The following ZNF804B variants were observed in gnomAD, a reference collection of about 807,000 sequenced individuals.
ZNF804B encodes zinc finger 804B.
Under a neutral mutation model 101.4 loss-of-function variants are expected in ZNF804B, and 80 were observed. The observed-to-expected ratio is 0.79, with a 90% CI of 0.66 to 0.95. ZNF804B has a LOEUF of 0.95. Ranked by LOEUF, ZNF804B falls within the 40% of genes least tolerant of loss-of-function variation. ZNF804B has a pLI of 0.00. For missense variants in ZNF804B, 1,673 were observed against 1,561.9 expected, an observed-to-expected ratio of 1.07 and a Z score of -1.20; for synonymous variants, 622 against 558.8, an observed-to-expected ratio of 1.11 and a Z score of -1.59.
At chr7:89,289,080 C>T (rs1208884) in intron 2 of ZNF804B, among the ~76,000 whole-genome samples, 1 of 151,582 alleles carries the variant, frequency 6.6e-6, no homozygotes, top group Non-Finnish European at 1.5e-5. Flanking sequence ...AATAATGAAA[C>T]AAGACACAAA....
chr7:88,925,061 T>G (rs2373741), intron 1 of ZNF804B, among the ~76,000 whole-genome samples: 81,817 of 151,958 alleles, frequency 0.54, 24,485 homozygotes, highest in East Asian at 0.85. Context: ...AATCTTTGTT[T>G]GTAGTAATAT....
intron 1 of ZNF804B, among the ~76,000 whole-genome samples, chr7:89,062,554 C>T (rs1583963627): frequency 6.6e-6 from 1 of 152,132 alleles, no homozygotes; most frequent in East Asian, 1.9e-4. Flanking sequence ...TCTTTGAAGG[C>T]AAGACTATAC....
intron 1 of ZNF804B, among the ~76,000 whole-genome samples, chr7:88,918,199 A>T (rs978195753): frequency 5.9e-5 from 9 of 152,160 alleles, no homozygotes; most frequent in African/African-American, 2.2e-4. Context: ...TGAGCCTTAG[A>T]TCTAGTATTC....
In ZNF804B at chr7:89,287,814, C is replaced by G. The variant is rs151308523; in HGVS notation, c.250-39530C>G. 5.2e-3 allele frequency among the ~76,000 whole-genome samples: 790 copies of G among 152,102 alleles called. 7 individuals are homozygous for G. The highest frequency in any genetic ancestry group is 4.4e-3 in the Non-Finnish European group (298 of 67,982). ...TTATGTGCAAACTCAGAAAAAAAATCTTGAAATAAGATCAAATATCTAGCA... is the reference window on the plus strand; with the variant it reads ...TTATGTGCAAACTCAGAAAAAAAATGTTGAAATAAGATCAAATATCTAGCA... On this transcript the variant is annotated intron_variant, in intron 2 of 3. Transcript: ENST00000333190.
chr7:88,785,882 T>C (rs906751303), intron 1 of ZNF804B, among the ~76,000 whole-genome samples: 6 of 152,174 alleles, frequency 3.9e-5, no homozygotes, highest in African/African-American at 1.4e-4. Flanking sequence ...GTCTTTGTTC[T>C]CTTAGAGGCA....
At chr7:89,281,803 G>T (rs1223208007) in intron 2 of ZNF804B, among the ~76,000 whole-genome samples, 2 of 152,148 alleles carry the variant, frequency 1.3e-5, no homozygotes, top group African/African-American at 2.4e-5. Flanking sequence ...ATGGGCTCTG[G>T]ATCTAAAAGC....
chr7:89,156,017 TTCC>T (rs1790959173), intron 1 of ZNF804B, among the ~76,000 whole-genome samples: 2 of 77,462 alleles, frequency 2.6e-5, no homozygotes, highest in Non-Finnish European at 5.9e-5. Flanking sequence ...CTTTCTCTCT[TTCC>T]TTTCTTTCTT....
chr7:89,130,986 T>C (rs10280289), intron 1 of ZNF804B, among the ~76,000 whole-genome samples: 45,312 of 151,904 alleles, frequency 0.3, 7,306 homozygotes, highest in East Asian at 0.58. Context: ...GCTTATACTT[T>C]TGAAGAAGTG....
intron 1 of ZNF804B, among the ~76,000 whole-genome samples, chr7:89,103,449 G>A (rs1242160740): frequency 2.0e-5 from 3 of 150,884 alleles, no homozygotes; most frequent in Non-Finnish European, 4.4e-5. Flanking sequence ...CATTTCCTTG[G>A]TTAAATGTAT....
chr7:89,217,478 G>A (rs1181937860), intron 1 of ZNF804B, among the ~76,000 whole-genome samples: 1 of 152,126 alleles, frequency 6.6e-6, no homozygotes, highest in East Asian at 1.9e-4. Flanking sequence ...TACACCTTGT[G>A]CATAGTTTAT....
chr7:89,301,340 A>G lies in ZNF804B; in HGVS notation c.250-26004A>G, dbSNP rs1018139324. Among the ~76,000 whole-genome samples the G allele has an allele frequency of 2.0e-5, 3 of 151,586 alleles. No homozygotes were observed. The East Asian group carries it at 5.8e-4, about 29-fold the overall frequency. On this transcript the variant is annotated intron_variant, in intron 2 of 3. Coordinates refer to ENST00000333190, the MANE Select transcript of ZNF804B (RefSeq NM_181646.5). The stretch of plus-strand genomic sequence containing the variant: ...GTGGCCTGCAGTCGTTGATCTTGAC[A>G]GGACAATGCAATAGCTTTCTTGCTG...
chr7:88,985,889 A>T (rs1793753226), intron 1 of ZNF804B, among the ~76,000 whole-genome samples: 1 of 152,158 alleles, frequency 6.6e-6, no homozygotes, highest in South Asian at 2.1e-4. Context: ...GTAAATTCAG[A>T]TGTAGATAAT....
At chr7:88,807,948 C>T (rs908789411) in intron 1 of ZNF804B, among the ~76,000 whole-genome samples, 2 of 152,138 alleles carry the variant, frequency 1.3e-5, no homozygotes, top group Non-Finnish European at 2.9e-5. Context: ...AAAGCCTTCA[C>T]TAAATTGTAA....
At position 89,216,149 on chromosome 7, in the gene ZNF804B, C is replaced by CA. The variant is rs551727605; in HGVS notation, c.109-1999dup. Among the ~76,000 whole-genome samples the CA allele has an allele frequency of 5.7e-4, 87 of 151,686 alleles. No individual in the cohort carries two copies. The East Asian group carries it at 0.017, about 29-fold the overall frequency. The stretch of plus-strand genomic sequence containing the variant: ...TGAAACCCCGTCTCTACTAAAAATA[C>CA]AAAAAAACGTAGCTGGGCGCGGTGG... On this transcript the variant is annotated intron_variant, in intron 1 of 3. Transcript: ENST00000333190.
intron 1 of ZNF804B, among the ~76,000 whole-genome samples, chr7:89,176,924 A>G (rs987676635): frequency 6.6e-6 from 1 of 152,088 alleles, no homozygotes; most frequent in Non-Finnish European, 1.5e-5. Context: ...TAACTGGCAT[A>G]TAGTTGCTCA....
At chr7:88,975,915 G>T (rs1389250961) in intron 1 of ZNF804B, among the ~76,000 whole-genome samples, 1 of 151,528 alleles carries the variant, frequency 6.6e-6, no homozygotes, top group Admixed American at 6.6e-5. Flanking sequence ...TGGGATCTCA[G>T]ATTTAGGTTT....
rs1311151936 is a variant in ZNF804B, at chr7:89,334,893, T to C, written c.1911T>C (p.His637=). The part of the protein sequence containing the change: ...FPSYISRFKK[H]KLIPCSPHLE... ...CCTACATCTCTAGGTTTAAAAAGCA[T>C]AAATTGATTCCCTGCAGTCCTCATT... The change falls in exon 4 of 4, where the codon CAT becomes CAC. Residue 637 remains histidine (H), a synonymous_variant. Coordinates refer to ENST00000333190, the MANE Select transcript of ZNF804B (RefSeq NM_181646.5). The C allele has an allele frequency of 1.9e-6, 3 of 1,613,702 alleles. No individual in the cohort carries two copies. In the African/African-American group the frequency reaches 4.0e-5, roughly 22 times the overall value.
At chr7:89,318,951 A>G (rs1298205062) in intron 2 of ZNF804B, among the ~76,000 whole-genome samples, 2 of 152,230 alleles carry the variant, frequency 1.3e-5, no homozygotes, top group African/African-American at 4.8e-5. Flanking sequence ...TTCTATAGAT[A>G]TTAAATTAAC....
At position 89,333,455 on chromosome 7, in the gene ZNF804B, A is replaced by G; in HGVS notation, c.473A>G (p.Lys158Arg). 1 of 1,613,176 alleles carries G rather than the reference A, an allele frequency of 6.2e-7. No homozygotes were observed. The highest frequency in any genetic ancestry group is 8.5e-7 in the Non-Finnish European group (1 of 1,179,480). The change falls in exon 4 of 4, where the codon AAG (lysine) becomes AGG (arginine). Residue 158 changes from lysine to arginine, a missense_variant. By Grantham distance (26) the Lys-to-Arg change is conservative. Coordinates refer to ENST00000333190, the MANE Select transcript of ZNF804B (RefSeq NM_181646.5). ...QGIFPIKNGRKVSCMKSALLL... is the reference protein window; with the variant it reads ...QGIFPIKNGRRVSCMKSALLL... ...ATTTTCCCCATTAAGAATGGCAGAA[A>G]GGTATCATGCATGAAGAGTGCTCTT...
Sources: allele counts gnomAD v4.1 joint callset (sites outside exome capture counted in the v4.1 genomes callset), GRCh38; gene constraint gnomAD v4.1.1; transcripts MANE v1.5; gene names NCBI Gene and HGNC (gene_info 2026-07-23, HGNC 2026-07-21).